Variants in AFG2A observed in about 807,000 individuals in gnomAD.
AFG2A encodes the protein ATPase family gene 2 protein homolog A.
the AFG2A span, among the ~76,000 whole-genome samples, chr4:123,311,644 AAAAAAAAAAAAAGAG>A: frequency 7.5e-6 from 1 of 132,532 alleles, no homozygotes; most frequent in Non-Finnish European, 1.7e-5. Context: ...AAAAAAAAAA[AAAAAAAAAAAAAGAG>A]AGAGAAAATC....
the AFG2A span, among the ~76,000 whole-genome samples, chr4:122,979,594 G>A: frequency 6.6e-6 from 1 of 152,174 alleles, no homozygotes; most frequent in African/African-American, 2.4e-5. Flanking sequence ...TTCCTCCAGT[G>A]GCAACATTTT....
the AFG2A span, among the ~76,000 whole-genome samples, chr4:123,002,654 G>A: frequency 1.3e-5 from 2 of 152,164 alleles, no homozygotes; most frequent in African/African-American, 4.8e-5. Flanking sequence ...CTGGCTTGTA[G>A]AGTTTCTGCC....
the AFG2A span, among the ~76,000 whole-genome samples, chr4:122,995,133 T>C: frequency 6.6e-6 from 1 of 152,130 alleles, no homozygotes; most frequent in Non-Finnish European, 1.5e-5. Flanking sequence ...TCATTTTAGT[T>C]TTTATTCTTT....
chr4:123,130,706 A>G, the AFG2A span, among the ~76,000 whole-genome samples: 4 of 152,240 alleles, frequency 2.6e-5, no homozygotes, highest in Non-Finnish European at 5.9e-5. Flanking sequence ...GCTATGAAGA[A>G]TGTTGCAGTA....
At chr4:123,104,986 A>G in the AFG2A span, among the ~76,000 whole-genome samples, 8 of 152,240 alleles carry the variant, frequency 5.3e-5, no homozygotes, top group African/African-American at 1.4e-4. Flanking sequence ...GTGGTTAACT[A>G]AACAACAGAT....
At chr4:123,232,539 T>A in the AFG2A span, among the ~76,000 whole-genome samples, 2 of 151,758 alleles carry the variant, frequency 1.3e-5, no homozygotes, top group Non-Finnish European at 2.9e-5. Context: ...TTTGGTGGAG[T>A]GAGAGGGACA....
chr4:123,215,622 T>A, the AFG2A span, among the ~76,000 whole-genome samples: 1 of 151,700 alleles, frequency 6.6e-6, no homozygotes. Context: ...CAATGCCTCT[T>A]AACTTTTAAT....
chr4:123,258,843 G>C, the AFG2A span, among the ~76,000 whole-genome samples: 2 of 149,658 alleles, frequency 1.3e-5, no homozygotes, highest in Non-Finnish European at 3.0e-5. Flanking sequence ...GATTAAGATG[G>C]AAATGATACT....
chr4:123,231,230 T>C, the AFG2A span, among the ~76,000 whole-genome samples: 1 of 152,018 alleles, frequency 6.6e-6, no homozygotes, highest in Non-Finnish European at 1.5e-5. Flanking sequence ...GAATATCTGT[T>C]GTTTAGTGTG....
At chr4:122,966,980 G>T in the AFG2A span, among the ~76,000 whole-genome samples, 5 of 152,158 alleles carry the variant, frequency 3.3e-5, no homozygotes, top group Admixed American at 1.3e-4. Context: ...TGTGGTCAAT[G>T]AATATATCTT....
At chr4:122,955,661 T>C in the AFG2A span, among the ~76,000 whole-genome samples, 1 of 150,340 alleles carries the variant, frequency 6.7e-6, no homozygotes, top group African/African-American at 2.4e-5. Flanking sequence ...TTGGAAGAGA[T>C]ATTTAGGAAT....
the AFG2A span, among the ~76,000 whole-genome samples, chr4:123,134,085 A>G: frequency 1.3e-5 from 2 of 151,910 alleles, no homozygotes; most frequent in Non-Finnish European, 2.9e-5. Context: ...TCTTCACTCT[A>G]TTGTTTCTTT....
At chr4:123,094,380 TG>T in the AFG2A span, among the ~76,000 whole-genome samples, 2 of 152,184 alleles carry the variant, frequency 1.3e-5, no homozygotes, top group African/African-American at 2.4e-5. Context: ...GGATTTCCTT[TG>T]GCCGGGGAAC....
At chr4:123,180,423 G>C in the AFG2A span, among the ~76,000 whole-genome samples, 1 of 152,198 alleles carries the variant, frequency 6.6e-6, no homozygotes, top group Non-Finnish European at 1.5e-5. Context: ...GGAAGTAACA[G>C]TAGGGTCACT....
At chr4:123,314,665 G>C in the AFG2A span, 1 of 151,790 alleles carries the variant, frequency 6.6e-6, no homozygotes, top group African/African-American at 2.4e-5. Flanking sequence ...TTTTTTTTGA[G>C]AGATATTTTG....
At chr4:123,220,613 CAAAAAAAA>C in the AFG2A span, among the ~76,000 whole-genome samples, 8 of 41,792 alleles carry the variant, frequency 1.9e-4, no homozygotes, top group African/African-American at 2.7e-4. Context: ...GACTCCAACT[CAAAAAAAA>C]AAAAAAAAAA....
chr4:123,164,377 T>C, the AFG2A span, among the ~76,000 whole-genome samples: 1 of 137,668 alleles, frequency 7.3e-6, no homozygotes, highest in Non-Finnish European at 1.7e-5. Flanking sequence ...TTATTTTTTG[T>C]TTTTGAGACA....
At chr4:123,130,285 G>C in the AFG2A span, among the ~76,000 whole-genome samples, 1 of 152,204 alleles carries the variant, frequency 6.6e-6, no homozygotes, top group Non-Finnish European at 1.5e-5. Flanking sequence ...CCAAAGTACT[G>C]AGATGACAGG....
the AFG2A span, chr4:122,933,595 T>G: frequency 1.2e-6 from 1 of 862,696 alleles, no homozygotes; most frequent in Non-Finnish European, 1.8e-6. Context: ...AGTAGTTTTC[T>G]TCAAAATAGC....
Sources: gnomAD v4.1 joint callset for allele counts (sites outside exome capture counted in the v4.1 genomes callset) on GRCh38, gnomAD v4.1.1 for gene constraint, MANE v1.5 for transcripts, NCBI Gene and HGNC (gene_info 2026-07-23, HGNC 2026-07-21) for gene names.